ADGRV1: variants seen among roughly 807,000 people sequenced by gnomAD.
ADGRV1 encodes G-protein coupled receptor 98.
In ADGRV1, 359 loss-of-function variants were observed where a neutral mutation model predicts 596.2. That is an observed-to-expected ratio of 0.60 (90% CI 0.55 to 0.66). ADGRV1 has a LOEUF of 0.66. Ranked by LOEUF, ADGRV1 falls within the 30% of genes least tolerant of loss-of-function variation. The pLI is 0.00. For missense variants in ADGRV1, 7,274 were observed against 7,575.6 expected, an observed-to-expected ratio of 0.96 and a Z score of 1.48; for synonymous variants, 2,681 against 2,679.2, an observed-to-expected ratio of 1.00 and a Z score of -0.02.
chr5:90,773,467 T>C (rs985645832), intron 59 of ADGRV1, among the ~76,000 whole-genome samples: 1 of 152,100 alleles, frequency 6.6e-6, no homozygotes, highest in African/African-American at 2.4e-5. Flanking sequence ...AACATTCTTA[T>C]GAGTTACCAG....
chr5:90,919,948 C>T (rs557904147), intron 83 of ADGRV1, among the ~76,000 whole-genome samples: 6 of 139,604 alleles, frequency 4.3e-5, no homozygotes, highest in African/African-American at 1.3e-4. Context: ...GAGCCAAGAT[C>T]GTGCCATTGC....
chr5:91,066,506 C>G (rs1326049679), intron 85 of ADGRV1, among the ~76,000 whole-genome samples: 1 of 151,990 alleles, frequency 6.6e-6, no homozygotes, highest in Non-Finnish European at 1.5e-5. Context: ...TTTATTCAGA[C>G]AGTATTGCTC....
chr5:90,853,153 C>T, intron 79 of ADGRV1, 131 bp from the exon 80 acceptor site: 3 of 829,246 alleles, frequency 3.6e-6, no homozygotes, highest in Non-Finnish European at 3.7e-6. Flanking sequence ...CTATTTACTG[C>T]TTCTGGGTTT....
intron 82 of ADGRV1, among the ~76,000 whole-genome samples, chr5:90,860,893 A>G (rs1473377019): frequency 6.6e-6 from 1 of 152,186 alleles, no homozygotes; most frequent in African/African-American, 2.4e-5. Flanking sequence ...GTCTTGTGAA[A>G]GAGTAAACTT....
chr5:90,995,871 A>G (rs1043061461), intron 85 of ADGRV1, among the ~76,000 whole-genome samples: 1 of 152,178 alleles, frequency 6.6e-6, no homozygotes, highest in African/African-American at 2.4e-5. Context: ...CCCCCGCTCT[A>G]GGGCTCTCTG....
rs138208399 is a variant in ADGRV1 at position 90,809,369 on chromosome 5, G to A, written c.14973-864G>A. The stretch of plus-strand genomic sequence containing the variant: ...CTCTCCCCAGCAACCTTACAAAGTA[G>A]ATTATATTATTTGTCTCATTTTATA... On this transcript the variant is annotated intron_variant, in intron 73 of 89. Coordinates refer to ENST00000405460, the MANE Select transcript of ADGRV1 (RefSeq NM_032119.4). Among the ~76,000 whole-genome samples the A allele has an allele frequency of 4.9e-3, 732 of 149,766 alleles. 3 individuals are homozygous for A. The highest frequency in any genetic ancestry group is 0.01 in the Admixed American group (156 of 15,002).
chr5:91,111,340 A>T (rs1792352613), intron 87 of ADGRV1, among the ~76,000 whole-genome samples: 1 of 152,166 alleles, frequency 6.6e-6, no homozygotes, highest in African/African-American at 2.4e-5. Flanking sequence ...GCCATCTTTT[A>T]TGAAGAGATT....
At chr5:90,887,678 G>A (rs1770437612) in intron 83 of ADGRV1, among the ~76,000 whole-genome samples, 1 of 152,016 alleles carries the variant, frequency 6.6e-6, no homozygotes, top group Non-Finnish European at 1.5e-5. Flanking sequence ...AAACAATTTG[G>A]GTGAGATTTT....
intron 86 of ADGRV1, among the ~76,000 whole-genome samples, chr5:91,078,088 T>A (rs544598175): frequency 6.6e-6 from 1 of 152,282 alleles, no homozygotes; most frequent in South Asian, 2.1e-4. Flanking sequence ...GTATTTAGAA[T>A]CTCCTGGTAC....
At chr5:90,728,420 C>T (rs1027863324) in intron 48 of ADGRV1, among the ~76,000 whole-genome samples, 1 of 152,178 alleles carries the variant, frequency 6.6e-6, no homozygotes, top group Non-Finnish European at 1.5e-5. Context: ...TTTCAAATAT[C>T]TTCTCTTTCA....
At chr5:90,577,429 A>T (rs1757378129) in intron 1 of ADGRV1, among the ~76,000 whole-genome samples, 1 of 152,040 alleles carries the variant, frequency 6.6e-6, no homozygotes, top group Admixed American at 6.5e-5. Context: ...ATGGTTGCAG[A>T]TGTGTGGTGT....
chr5:91,095,298 C>A (rs1447995222), intron 86 of ADGRV1, among the ~76,000 whole-genome samples: 5 of 152,032 alleles, frequency 3.3e-5, no homozygotes, highest in African/African-American at 1.2e-4. Flanking sequence ...CTCCCAGGCT[C>A]AAGAGAGCCT....
At chr5:90,914,350 A>G (rs1773156955) in intron 83 of ADGRV1, among the ~76,000 whole-genome samples, 1 of 152,198 alleles carries the variant, frequency 6.6e-6, no homozygotes, top group South Asian at 2.1e-4. Context: ...ACGCTGTGCT[A>G]AATCTTTCAT....
rs755808829 is a variant in ADGRV1 at position 90,788,256 on chromosome 5, T to A, written c.13839T>A (p.His4613Gln). The change falls in exon 68 of 90, where the codon CAT (histidine) becomes CAA (glutamine). Residue 4613 changes from histidine (H) to glutamine (Q), a missense_variant. Physicochemically the swap from His to Gln is conservative, Grantham distance 24. Coordinates refer to ENST00000405460, the MANE Select transcript of ADGRV1 (RefSeq NM_032119.4). ...EVEETFIIKLHLVKGEAKLDS... is the reference protein window; with the variant it reads ...EVEETFIIKLQLVKGEAKLDS... ...AAGAGACATTCATTATTAAACTTCA[T>A]CTTGTGAAAGGAGAAGCTAAATTAG... is the stretch of plus-strand genomic sequence containing the variant. 6.2e-7 allele frequency: 1 copy of A among 1,611,944 alleles called. No individual in the cohort carries two copies. The highest frequency in any genetic ancestry group is 1.3e-5 in the African/African-American group (1 of 74,890).
At chr5:90,761,524 C>T (rs1449283770) in intron 58 of ADGRV1, among the ~76,000 whole-genome samples, 1 of 152,184 alleles carries the variant, frequency 6.6e-6, no homozygotes, top group African/African-American at 2.4e-5. Flanking sequence ...GACTTGGGCA[C>T]TGGACAGTGT....
intron 85 of ADGRV1, among the ~76,000 whole-genome samples, chr5:91,034,400 T>C (rs1784708735): frequency 6.6e-6 from 1 of 152,186 alleles, no homozygotes; most frequent in African/African-American, 2.4e-5. Flanking sequence ...TCAAGAAGGG[T>C]AATATGTCAT....
At position 90,848,808 on chromosome 5, in the gene ADGRV1, T is replaced by C; in HGVS notation, c.17191T>C (p.Ser5731Pro). Residue 5731 changes from serine to proline, a missense_variant, in exon 79 of 90, where the codon TCT becomes CCT. Ser to Pro is a moderately conservative substitution (Grantham distance 74, BLOSUM62 -1). Coordinates refer to ENST00000405460, the MANE Select transcript of ADGRV1 (RefSeq NM_032119.4). ...FSLLTNVTCG[S>P]PGEKSKTILD... Reference sequence around the variant, plus strand: ...TCTGCTGACTAATGTTACTTGCGGCTCTCCTGGTGAAAAGTAAGTATCTTT... The same window carrying C: ...TCTGCTGACTAATGTTACTTGCGGCCCTCCTGGTGAAAAGTAAGTATCTTT... The C allele has an allele frequency of 1.3e-6, 2 of 1,581,472 alleles. No homozygotes were observed. The highest frequency in any genetic ancestry group is 1.2e-5 in the South Asian group (1 of 83,228).
At chr5:90,723,900 G>A (rs1751409872) in intron 45 of ADGRV1, among the ~76,000 whole-genome samples, 1 of 151,456 alleles carries the variant, frequency 6.6e-6, no homozygotes, top group Non-Finnish European at 1.5e-5. Flanking sequence ...CTCCTCATTA[G>A]TTAGGGGATT....
intron 1 of ADGRV1, among the ~76,000 whole-genome samples, chr5:90,572,336 C>A (rs1017358909): frequency 2.0e-5 from 3 of 151,984 alleles, no homozygotes; most frequent in African/African-American, 7.2e-5. Context: ...TGCATGACTT[C>A]TGTATTTAAG....
Sources: gnomAD v4.1 joint callset for allele counts (sites outside exome capture counted in the v4.1 genomes callset) on GRCh38, gnomAD v4.1.1 for gene constraint, MANE v1.5 for transcripts, NCBI Gene and HGNC (gene_info 2026-07-23, HGNC 2026-07-21) for gene names.